MAST2: variants seen among roughly 807,000 people sequenced by gnomAD.
The protein encoded by MAST2 is microtubule-associated serine/threonine-protein kinase 2.
In MAST2, 70 loss-of-function variants were observed where a neutral mutation model predicts 147.4. The observed-to-expected ratio is 0.47, with a 90% CI of 0.39 to 0.58. The LOEUF is 0.58. Among genes scored for constraint, MAST2 ranks in the 20% least tolerant of loss-of-function variants. The probability of loss-of-function intolerance (pLI) is 0.00; values close to 1 mark genes in which losing one functional copy is unlikely to be tolerated. For missense variants in MAST2, 2,080 were observed against 2,302.3 expected (o/e 0.90, Z 1.98); for synonymous variants, 869 against 896.8 (o/e 0.97, Z 0.55).
rs529149962 is a variant in MAST2, at chr1:45,981,461, A to G, written c.593-16263A>G. On this transcript the variant is annotated intron_variant, in intron 5 of 28. Transcript: ENST00000361297. The stretch of plus-strand genomic sequence containing the variant: ...AGTTGAGTCAGGGATGATGTTATCT[A>G]TAGGAGAATCTGTGAGGTTAGGAAT... Among the ~76,000 whole-genome samples, 14 of 152,254 alleles carry G rather than the reference A, an allele frequency of 9.2e-5. No individual in the cohort carries two copies. The South Asian group carries it at 2.7e-3, about 29-fold the overall frequency.
intron 5 of MAST2, among the ~76,000 whole-genome samples, chr1:45,978,860 A>G (rs1210642061): frequency 6.6e-6 from 1 of 152,192 alleles, no homozygotes; most frequent in African/African-American, 2.4e-5. Flanking sequence ...CTAACACTCG[A>G]GTAGAGGGAA....
At chr1:45,951,090 G>A (rs1658864076) in intron 4 of MAST2, among the ~76,000 whole-genome samples, 1 of 151,772 alleles carries the variant, frequency 6.6e-6, no homozygotes, top group African/African-American at 2.4e-5. Flanking sequence ...GGGCATGGTG[G>A]TGCATGCTTG....
At chr1:45,811,637 CTTT>C (rs764470494) in intron 1 of MAST2, among the ~76,000 whole-genome samples, 2 of 117,726 alleles carry the variant, frequency 1.7e-5, no homozygotes, top group Non-Finnish European at 3.6e-5. Context: ...CCGCACCCGG[CTTT>C]TTTTTTTTTT....
At chr1:45,869,575 T>C (rs1212940291) in intron 3 of MAST2, among the ~76,000 whole-genome samples, 2 of 152,230 alleles carry the variant, frequency 1.3e-5, no homozygotes, top group Non-Finnish European at 2.9e-5. Context: ...CTGCTTTATG[T>C]ATTTACTGAA....
chr1:45,961,189 C>G (rs1279127647), intron 5 of MAST2, among the ~76,000 whole-genome samples: 1 of 151,996 alleles, frequency 6.6e-6, no homozygotes, highest in African/African-American at 2.4e-5. Flanking sequence ...GAACTGGAGA[C>G]ATACTTGACC....
chr1:45,872,316 T>C (rs930316547), intron 3 of MAST2, among the ~76,000 whole-genome samples: 7 of 152,158 alleles, frequency 4.6e-5, no homozygotes, highest in African/African-American at 1.7e-4. Flanking sequence ...GGACCAGCCT[T>C]GTGACTCCTG....
chr1:45,839,371 G>T (rs2147893969), intron 3 of MAST2, among the ~76,000 whole-genome samples: 1 of 151,868 alleles, frequency 6.6e-6, no homozygotes, highest in Non-Finnish European at 1.5e-5. Flanking sequence ...CTCGTGATCT[G>T]CCCGCCTCAG....
At chr1:45,929,062 G>A (rs962098806) in intron 4 of MAST2, among the ~76,000 whole-genome samples, 13 of 152,092 alleles carry the variant, frequency 8.5e-5, no homozygotes, top group African/African-American at 2.9e-4. Context: ...TCTGTCAGGA[G>A]GCGGGTAATG....
At chr1:45,936,555 A>T (rs192149165) in intron 4 of MAST2, among the ~76,000 whole-genome samples, 1 of 152,038 alleles carries the variant, frequency 6.6e-6, no homozygotes, top group African/African-American at 2.4e-5. Context: ...TTGTTGAGGT[A>T]CTTGATTGTC....
chr1:45,872,745 T>G (rs1041319809), intron 3 of MAST2, among the ~76,000 whole-genome samples: 4 of 152,138 alleles, frequency 2.6e-5, no homozygotes, highest in Non-Finnish European at 4.4e-5. Context: ...CCTCCCAAAG[T>G]GCTTGGATTA....
At chr1:46,024,026 G>A in intron 15 of MAST2, 46 bp downstream of exon 15, 1 of 1,584,332 alleles carries the variant, frequency 6.3e-7, no homozygotes, top group Non-Finnish European at 8.7e-7. Context: ...GGCACAGTCT[G>A]AGACTTAGCC....
At chr1:45,823,191 T>C (rs574496908) in intron 1 of MAST2, among the ~76,000 whole-genome samples, 1 of 151,936 alleles carries the variant, frequency 6.6e-6, no homozygotes, top group Non-Finnish European at 1.5e-5. Context: ...TATAACTGTA[T>C]AGAATTTTTT....
intron 3 of MAST2, among the ~76,000 whole-genome samples, chr1:45,846,475 C>T (rs1342581032): frequency 1.3e-5 from 2 of 152,128 alleles, no homozygotes; most frequent in African/African-American, 4.8e-5. Context: ...TTGCAGATCA[C>T]GTCTATCTAT....
chr1:45,967,540 TG>T (rs1232039349), intron 5 of MAST2, among the ~76,000 whole-genome samples: 18 of 152,182 alleles, frequency 1.2e-4, no homozygotes, highest in Admixed American at 1.1e-3. Context: ...AGAAAATCAC[TG>T]GAAGAGAAAA....
Position 45,987,764 on chromosome 1 carries a change from T to TG in MAST2, c.593-9960_593-9959insG, listed in dbSNP as rs1181982437. 9.7e-3 allele frequency among the ~76,000 whole-genome samples: 1,316 copies of TG among 135,434 alleles called. 8 individuals are homozygous for TG. Among genetic ancestry groups the TG allele is most frequent in the Non-Finnish European group, 0.015 (974 of 64,808 alleles). The allele number at this position is 135,434 out of a possible 152,430, so 88.8% of individuals were successfully genotyped here. A position where few individuals can be genotyped will look rare whatever the true frequency, so the allele number is the denominator to read the frequency against. ...GGTAGAAAGTGAGAGCATTTCTTGTTTTTTTTTTTTTGATTTTTTTTTTTT... is the reference window on the plus strand; with the variant it reads ...GGTAGAAAGTGAGAGCATTTCTTGTTGTTTTTTTTTTTGATTTTTTTTTTTT... On this transcript the variant is annotated intron_variant, in intron 5 of 28. Transcript: ENST00000361297.
intron 6 of MAST2, among the ~76,000 whole-genome samples, chr1:46,002,554 G>T (rs1645316460): frequency 6.6e-6 from 1 of 152,194 alleles, no homozygotes; most frequent in African/African-American, 2.4e-5. Context: ...AGTATTATAT[G>T]ACAGATGTTC....
At chr1:45,953,727 A>C (rs1164282618) in intron 4 of MAST2, among the ~76,000 whole-genome samples, 2 of 152,362 alleles carry the variant, frequency 1.3e-5, no homozygotes, top group South Asian at 4.1e-4. Context: ...TTTTGAGCAG[A>C]GGAATGAAAT....
intron 6 of MAST2, 99 bp downstream of exon 6, chr1:45,997,898 C>A: frequency 1.0e-6 from 1 of 972,860 alleles, no homozygotes; most frequent in Non-Finnish European, 1.7e-6. Flanking sequence ...ACTACTCTTT[C>A]AAGTGTATTA....
chr1:45,836,145 A>G (rs1039503064), intron 3 of MAST2, among the ~76,000 whole-genome samples: 3 of 152,172 alleles, frequency 2.0e-5, no homozygotes, highest in Non-Finnish European at 4.4e-5. Context: ...ATGATACAGT[A>G]ATTCTTTGTT....
Sources: gnomAD v4.1 joint callset for allele counts (sites outside exome capture counted in the v4.1 genomes callset) on GRCh38, gnomAD v4.1.1 for gene constraint, MANE v1.5 for transcripts, NCBI Gene and HGNC (gene_info 2026-07-23, HGNC 2026-07-21) for gene names.